The following SLCO5A1 variants were observed in gnomAD, a reference collection of about 807,000 sequenced individuals.
The protein encoded by SLCO5A1 is solute carrier organic anion transporter family member 5A1.
A neutral mutation model predicts 65.1 loss-of-function variants in SLCO5A1; 39 were observed. The observed-to-expected ratio is 0.60, with a 90% confidence interval of 0.46 to 0.78. The LOEUF (loss-of-function observed/expected upper bound fraction) is 0.78. Among genes scored for constraint, SLCO5A1 ranks in the 30% least tolerant of loss-of-function variants. SLCO5A1 has a pLI of 0.00. For synonymous variants in SLCO5A1, 438 were observed against 415.7 expected (o/e 1.05, Z -0.65); for missense variants, 1,029 against 1,069.4 (o/e 0.96, Z 0.53).
At chr8:69,711,150 G>C (rs1420923309) in intron 5 of SLCO5A1, among the ~76,000 whole-genome samples, 1 of 152,046 alleles carries the variant, frequency 6.6e-6, no homozygotes, top group Non-Finnish European at 1.5e-5. Context: ...ACTCCCTATT[G>C]GGGGTGGAAA....
At chr8:69,739,770 G>T (rs1248753790) in intron 4 of SLCO5A1, among the ~76,000 whole-genome samples, 1 of 151,886 alleles carries the variant, frequency 6.6e-6, no homozygotes, top group Non-Finnish European at 1.5e-5. Flanking sequence ...ACACACCAGA[G>T]AAAAACATAA....
intron 2 of SLCO5A1, among the ~76,000 whole-genome samples, chr8:69,813,075 G>A (rs999038182): frequency 1.3e-5 from 2 of 152,122 alleles, no homozygotes; most frequent in African/African-American, 2.4e-5. Flanking sequence ...AAGACATTCT[G>A]CAAATGAGGA....
rs1201830033 is a variant in SLCO5A1, at chr8:69,668,953, C to CA, written c.*3915dup. On this transcript the variant is annotated 3_prime_UTR_variant, in exon 10 of 10. Transcript: ENST00000260126. Reference sequence around the variant, plus strand: ...TAGGAATCTTAAAACTCATATTCATCAAAAAACTAATAGAGATGTTAATAT... The same window carrying CA: ...TAGGAATCTTAAAACTCATATTCATCAAAAAAACTAATAGAGATGTTAATAT... The CA allele has an allele frequency of 6.6e-6, 1 of 151,620 alleles. No homozygotes were observed. Among genetic ancestry groups the CA allele is most frequent in the African/African-American group, 2.4e-5 (1 of 41,246 alleles). The allele number at this position is 151,620 out of a possible 1,614,324, so 9.4% of individuals were successfully genotyped here. A position where few individuals can be genotyped will look rare whatever the true frequency, so the allele number is the denominator to read the frequency against.
Position 69,738,216 on chromosome 8 carries a change from C to A in SLCO5A1, c.1259-12G>T. 1 of 1,572,248 alleles carries A rather than the reference C, an allele frequency of 6.4e-7. No homozygotes were observed. Among genetic ancestry groups the A allele is most frequent in the South Asian group, 1.2e-5 (1 of 85,024 alleles). On this transcript the variant is annotated splice_polypyrimidine_tract_variant and intron_variant, in intron 4 of 9. Transcript: ENST00000260126. Reference sequence around the variant, plus strand: ...TGCTCTTGGTAGGTCTACAAAATGACAAAAATGACAAATGAATGTTATAAA... The same window carrying A: ...TGCTCTTGGTAGGTCTACAAAATGAAAAAAATGACAAATGAATGTTATAAA...
chr8:69,734,223 A>G (rs2130839638), intron 5 of SLCO5A1, among the ~76,000 whole-genome samples: 1 of 152,110 alleles, frequency 6.6e-6, no homozygotes, highest in South Asian at 2.1e-4. Flanking sequence ...TTGGAGCTCT[A>G]TTTCTGACCT....
At chr8:69,722,357 GTAT>G (rs1815866756) in intron 5 of SLCO5A1, among the ~76,000 whole-genome samples, 1 of 151,898 alleles carries the variant, frequency 6.6e-6, no homozygotes, top group East Asian at 1.9e-4. Context: ...CTATAAACAG[GTAT>G]TATCTCCTTA....
chr8:69,830,513 A>G lies in SLCO5A1; in HGVS notation c.907+1254T>C, dbSNP rs988984885. The stretch of plus-strand genomic sequence containing the variant: ...CAGCTTCCATTTCAGTTTTTTCAGT[A>G]AAGTAAAATCCTTTAGCTTGTTTAG... On this transcript the variant is annotated intron_variant, in intron 2 of 9. Coordinates refer to ENST00000260126, the MANE Select transcript of SLCO5A1 (RefSeq NM_030958.3). 3.0e-4 allele frequency among the ~76,000 whole-genome samples: 45 copies of G among 152,118 alleles called. 1 individual carries two copies. Among genetic ancestry groups the G allele is most frequent in the African/African-American group, 1.0e-3 (43 of 41,426 alleles).
intron 6 of SLCO5A1, among the ~76,000 whole-genome samples, chr8:69,688,605 G>C (rs909863996): frequency 2.1e-4 from 32 of 151,148 alleles, no homozygotes; most frequent in African/African-American, 7.3e-4. Context: ...TTTTGTCCTT[G>C]CGATAGTTTA....
intron 4 of SLCO5A1, among the ~76,000 whole-genome samples, chr8:69,743,229 T>C (rs1816875128): frequency 6.6e-6 from 1 of 152,218 alleles, no homozygotes; most frequent in Non-Finnish European, 1.5e-5. Context: ...GCAGAAGGTA[T>C]TGATATGTTT....
chr8:69,712,860 A>C (rs888248031), intron 5 of SLCO5A1, among the ~76,000 whole-genome samples: 18 of 99,528 alleles, frequency 1.8e-4, no homozygotes, highest in Admixed American at 1.4e-3. Context: ...AAAATCTTTA[A>C]GTGATTTGCT....
intron 3 of SLCO5A1, among the ~76,000 whole-genome samples, chr8:69,759,514 CT>C (rs1817669851): frequency 6.6e-6 from 1 of 152,180 alleles, no homozygotes; most frequent in East Asian, 1.9e-4. Flanking sequence ...TAACTACCTT[CT>C]TTTATGGATT....
chr8:69,834,199 C>A (rs1821311106), intron 1 of SLCO5A1: 1 of 153,482 alleles, frequency 6.5e-6, no homozygotes, highest in South Asian at 2.1e-4. Flanking sequence ...AACAGGTGTG[C>A]CCCCGTGGTA....
At chr8:69,834,086 CCACA>C (rs60625289) in intron 1 of SLCO5A1, 16,604 of 144,252 alleles carry the variant, frequency 0.12, 1,019 homozygotes, top group South Asian at 0.17. Flanking sequence ...GCGTGCGCGG[CCACA>C]CACACACACA....
intron 8 of SLCO5A1, among the ~76,000 whole-genome samples, chr8:69,678,327 C>A (rs1813630813): frequency 6.6e-6 from 1 of 152,154 alleles, no homozygotes; most frequent in South Asian, 2.1e-4. Flanking sequence ...TCTGAAGGAA[C>A]TCCCCAAACC....
intron 2 of SLCO5A1, among the ~76,000 whole-genome samples, chr8:69,809,892 C>T (rs777156206): frequency 1.8e-4 from 28 of 152,124 alleles, no homozygotes; most frequent in South Asian, 4.2e-4. Flanking sequence ...CAAGACAAGA[C>T]GAGAGCAGGG....
intron 2 of SLCO5A1, among the ~76,000 whole-genome samples, chr8:69,826,186 A>G (rs953801956): frequency 6.6e-6 from 1 of 152,086 alleles, no homozygotes; most frequent in African/African-American, 2.4e-5. Context: ...CCTAGAAGAA[A>G]ACCTAGGCAT....
rs1416311994 is a variant in SLCO5A1, at chr8:69,821,251, C to T, written c.907+10516G>A. ...GCGCACCCCTGTAATCCCAGCTACT[C>T]GGGAAGCTGAGGCAGGAGAATCGCT... is the stretch of plus-strand genomic sequence containing the variant. On this transcript the variant is annotated intron_variant, in intron 2 of 9. Transcript: ENST00000260126. Among the ~76,000 whole-genome samples the T allele has an allele frequency of 2.6e-5, 4 of 151,582 alleles. 1 individual carries two copies. Among genetic ancestry groups the T allele is most frequent in the Non-Finnish European group, 4.4e-5 (3 of 67,912 alleles).
intron 3 of SLCO5A1, chr8:69,761,366 G>T (rs139296067): frequency 6.2e-4 from 114 of 185,138 alleles, no homozygotes; most frequent in Non-Finnish European, 8.7e-4. Context: ...TTCTTTGCTC[G>T]CAGCCCCTTC....
chr8:69,810,586 T>C (rs1479479879), intron 2 of SLCO5A1, among the ~76,000 whole-genome samples: 1 of 152,218 alleles, frequency 6.6e-6, no homozygotes, highest in Non-Finnish European at 1.5e-5. Context: ...TTTCAACTTT[T>C]CAGGCAAAAT....
Sources: gnomAD v4.1 joint callset for allele counts (sites outside exome capture counted in the v4.1 genomes callset) on GRCh38, gnomAD v4.1.1 for gene constraint, MANE v1.5 for transcripts, NCBI Gene and HGNC (gene_info 2026-07-23, HGNC 2026-07-21) for gene names.